IL5RA: variants seen among roughly 807,000 people sequenced by gnomAD.
The protein encoded by IL5RA is interleukin-5 receptor subunit alpha.
In IL5RA, 49 loss-of-function variants were observed where a neutral mutation model predicts 50.0. The ratio of observed to expected loss-of-function variants is 0.98; its 90% CI spans 0.78 to 1.24. IL5RA has a LOEUF of 1.24. IL5RA is among the 50% of genes most tolerant of loss of function. The pLI is 0.00. For missense variants in IL5RA, 600 were observed against 500.4 expected, an observed-to-expected ratio of 1.20 and a Z score of -1.90; for synonymous variants, 202 against 174.0, an observed-to-expected ratio of 1.16 and a Z score of -1.26.
intron 5 of IL5RA, among the ~76,000 whole-genome samples, chr3:3,100,980 C>CAATAATAATAAT (rs35949387): frequency 9.4e-4 from 133 of 141,716 alleles, no homozygotes; most frequent in Non-Finnish European, 1.5e-3. Context: ...AACCCCATCT[C>CAATAATAATAAT]AATAATAATA....
At chr3:3,098,883 T>A (rs1229908240) in intron 5 of IL5RA, among the ~76,000 whole-genome samples, 16 of 152,134 alleles carry the variant, frequency 1.1e-4, no homozygotes, top group Non-Finnish European at 1.5e-5. Context: ...TACAATATAT[T>A]GTCATTTTGA....
chr3:3,097,195 C>T (rs1703404990), intron 7 of IL5RA, among the ~76,000 whole-genome samples: 1 of 152,098 alleles, frequency 6.6e-6, no homozygotes, highest in Non-Finnish European at 1.5e-5. Flanking sequence ...CAGACAAAAC[C>T]ACGAATAGAA....
rs767158218 is a variant in IL5RA, at chr3:3,067,270, C to T, written c.*2955G>A. On this transcript the variant is annotated 3_prime_UTR_variant, in exon 12 of 12. Transcript: ENST00000446632. ...TGTCTCCTGGTTGCTTCTAACTAAC[C>T]GCATTCTCATTAGATACCCAGCTTC... 3.8e-4 allele frequency: 58 copies of T among 152,166 alleles called. No individual in the cohort carries two copies. Among genetic ancestry groups the T allele is most frequent in the Admixed American group, 2.9e-3 (45 of 15,284 alleles). 9.4% of individuals were successfully genotyped at this position (152,166 alleles called of 1,614,324 possible).
Position 3,086,866 on chromosome 3 carries a change from T to C in IL5RA, c.994+5358A>G, listed in dbSNP as rs143110317. ...AAGAAAATGTGGTAAACATACACAATGAAATACTACTCAGCTGTACAAAAA... is the reference window on the plus strand; with the variant it reads ...AAGAAAATGTGGTAAACATACACAACGAAATACTACTCAGCTGTACAAAAA... On this transcript the variant is annotated intron_variant, in intron 9 of 11. Transcript: ENST00000446632. 5.9e-3 allele frequency among the ~76,000 whole-genome samples: 893 copies of C among 152,302 alleles called. 5 individuals carry two copies. The highest frequency in any genetic ancestry group is 0.02 in the African/African-American group (847 of 41,556).
At chr3:3,101,632 A>G (rs1575007428) in intron 5 of IL5RA, 60 bp downstream of exon 5, 5 of 1,560,996 alleles carry the variant, frequency 3.2e-6, no homozygotes, top group South Asian at 1.2e-5. Context: ...TAATTTTTCT[A>G]CTTTTCCATA....
chr3:3,109,408 A>C (rs988424530), intron 1 of IL5RA, among the ~76,000 whole-genome samples: 6 of 152,196 alleles, frequency 3.9e-5, no homozygotes, highest in Admixed American at 2.0e-4. Flanking sequence ...CTTAACTCTG[A>C]AACTTCCTGA....
At chr3:3,106,994 T>C (rs982602415) in intron 2 of IL5RA, among the ~76,000 whole-genome samples, 1 of 152,150 alleles carries the variant, frequency 6.6e-6, no homozygotes, top group Admixed American at 6.6e-5. Flanking sequence ...GAGAGATAAT[T>C]GAATATTTTA....
chr3:3,090,881 G>A (rs969656511), intron 9 of IL5RA, among the ~76,000 whole-genome samples: 4 of 152,036 alleles, frequency 2.6e-5, no homozygotes, highest in African/African-American at 9.7e-5. Flanking sequence ...CCAACACAGG[G>A]TATGAATTTT....
rs777902146 is a variant in IL5RA at position 3,076,600 on chromosome 3, T to C, written c.1022A>G (p.Glu341Gly). ...TGCCATAATCACAATGACAAACCAC[T>C]CTCTCAAGGGCTTGTGTTCATCATT... is the stretch of plus-strand genomic sequence containing the variant. Reference protein sequence around the residue: ...VGNDEHKPLREWFVIVIMATI... With the variant: ...VGNDEHKPLRGWFVIVIMATI... Residue 341 changes from glutamate (E) to glycine (G), a missense_variant, in exon 10 of 12, where the codon GAG becomes GGG. Coordinates refer to ENST00000446632, the MANE Select transcript of IL5RA (RefSeq NM_175726.4). 1.6e-5 allele frequency: 25 copies of C among 1,610,572 alleles called. No individual in the cohort carries two copies. Among genetic ancestry groups the C allele is most frequent in the Non-Finnish European group, 1.9e-5 (22 of 1,177,332 alleles).
At position 3,102,273 on chromosome 3, in the gene IL5RA, C is replaced by T. The variant is rs149046294; in HGVS notation, c.228+402G>A. Among the ~76,000 whole-genome samples, 19 of 152,308 alleles carry T rather than the reference C, an allele frequency of 1.2e-4. No homozygotes were observed. In the East Asian group the frequency reaches 3.1e-3, roughly 25 times the overall value. Reference sequence around the variant, plus strand: ...AATGACTTGTCCCAGGTTGCAAAGGCAGGAAGTGGAAGAACTGGGTTTTGA... The same window carrying T: ...AATGACTTGTCCCAGGTTGCAAAGGTAGGAAGTGGAAGAACTGGGTTTTGA... On this transcript the variant is annotated intron_variant, in intron 4 of 11. Transcript: ENST00000446632.
intron 9 of IL5RA, among the ~76,000 whole-genome samples, chr3:3,081,452 G>GA (rs563297792): frequency 2.9e-4 from 44 of 152,116 alleles, no homozygotes; most frequent in Admixed American, 5.2e-4. Flanking sequence ...TACATCAGCA[G>GA]AAAAAAAGTT....
Position 3,097,970 on chromosome 3 carries a change from G to A in IL5RA, c.609C>T (p.Ile203=), listed in dbSNP as rs763796057. The A allele has an allele frequency of 2.5e-6, 4 of 1,614,194 alleles. No individual in the cohort carries two copies. The highest frequency in any genetic ancestry group is 3.4e-6 in the Non-Finnish European group (4 of 1,180,038). Residue 203 remains isoleucine, a synonymous_variant, in exon 7 of 12, where the codon ATC becomes ATT. Transcript: ENST00000446632. Reference sequence around the variant, plus strand: ...CAAGCCAGTCACGCCCTTTGCTGAGGATAAAAGTCCTGGGAAACCAGCATG... The same window carrying A: ...CAAGCCAGTCACGCCCTTTGCTGAGAATAAAAGTCCTGGGAAACCAGCATG... The part of the protein sequence containing the change: ...NIACWFPRTF[I]LSKGRDWLAV...
rs1703458593 is a variant in IL5RA at position 3,098,274 on chromosome 3, T to C, written c.384A>G (p.Ser128=). ...TTGTGGTGCAAGTTAAATTCACAAT[T>C]GAGGTTCCAGGAGACCCTAGGTAGT... is the stretch of plus-strand genomic sequence containing the variant. The part of the protein sequence containing the change: ...LHAPPGSPGT[S]IVNLTCTTNT... The change falls in exon 6 of 12, where the codon TCA becomes TCG. Residue 128 remains serine, a synonymous_variant. Coordinates refer to ENST00000446632, the MANE Select transcript of IL5RA (RefSeq NM_175726.4). The C allele has an allele frequency of 6.2e-7, 1 of 1,613,990 alleles. No homozygotes were observed. Among genetic ancestry groups the C allele is most frequent in the South Asian group, 1.1e-5 (1 of 91,072 alleles).
At chr3:3,073,893 TTACGATAAAGC>T in intron 11 of IL5RA, 1 of 411,258 alleles carries the variant, frequency 2.4e-6, no homozygotes. Context: ...GTCTCGTGGT[TTACGATAAAGC>T]TACAGTAATC....
At chr3:3,082,479 C>T (rs1702701053) in intron 9 of IL5RA, among the ~76,000 whole-genome samples, 1 of 152,202 alleles carries the variant, frequency 6.6e-6, no homozygotes, top group Admixed American at 6.5e-5. Context: ...CCATTTGATT[C>T]CTGGGTGCTT....
intron 9 of IL5RA, among the ~76,000 whole-genome samples, chr3:3,084,981 A>C (rs1702797876): frequency 6.6e-6 from 1 of 152,224 alleles, no homozygotes; most frequent in African/African-American, 2.4e-5. Context: ...CTGCGCCTGA[A>C]AGCACTGTGG....
In IL5RA at chr3:3,076,621, T is replaced by A; in HGVS notation, c.1001A>T (p.Asp334Val). 6.2e-7 allele frequency: 1 copy of A among 1,600,082 alleles called. No individual in the cohort carries two copies. Among genetic ancestry groups the A allele is most frequent in the South Asian group, 1.1e-5 (1 of 89,014 alleles). ...EWSQPIYVGN[D>V]EHKPLREWFV... Reference sequence around the variant, plus strand: ...CCACTCTCTCAAGGGCTTGTGTTCATCATTTCCTGGTGGAAAACAAAAAAG... The same window carrying A: ...CCACTCTCTCAAGGGCTTGTGTTCAACATTTCCTGGTGGAAAACAAAAAAG... Residue 334 changes from aspartate (D) to valine (V), a missense_variant, in exon 10 of 12, where the codon GAT (aspartate) becomes GTT (valine). Physicochemically the swap from Asp to Val is radical, Grantham distance 152 (BLOSUM62 -3). Transcript: ENST00000446632.
chr3:3,099,732 T>C (rs558152111), intron 5 of IL5RA, among the ~76,000 whole-genome samples: 1 of 151,658 alleles, frequency 6.6e-6, no homozygotes, highest in Non-Finnish European at 1.5e-5. Flanking sequence ...TGCAGTGGCA[T>C]GATCTCAGCT....
At position 3,098,121 on chromosome 3, in the gene IL5RA, T is replaced by C. The variant is rs1403104503; in HGVS notation, c.521+16A>G. On this transcript the variant is annotated intron_variant, in intron 6 of 11. Coordinates refer to ENST00000446632, the MANE Select transcript of IL5RA (RefSeq NM_175726.4). ...AAACAACCATTTGCCTAAGTAAAAA[T>C]AGGTACAGTACTAACCTATAGTAGA... The C allele has an allele frequency of 8.1e-6, 13 of 1,613,896 alleles. No homozygotes were observed. The highest frequency in any genetic ancestry group is 1.1e-5 in the Non-Finnish European group (13 of 1,179,948).
Sources: gnomAD v4.1 joint callset for allele counts (sites outside exome capture counted in the v4.1 genomes callset) on GRCh38, gnomAD v4.1.1 for gene constraint, MANE v1.5 for transcripts, NCBI Gene and HGNC (gene_info 2026-07-23, HGNC 2026-07-21) for gene names.